The following TUT4 variants were observed in gnomAD, a reference collection of about 807,000 sequenced individuals.
TUT4 encodes terminal uridylyltransferase 4.
In TUT4, 36 loss-of-function variants were observed where a neutral mutation model predicts 192.2. The ratio of observed to expected loss-of-function variants is 0.19; its 90% confidence interval spans 0.14 to 0.25. The LOEUF is 0.25. Ranked by LOEUF, TUT4 falls within the 10% of genes least tolerant of loss-of-function variation. The pLI is 1.00. For synonymous variants in TUT4, 618 were observed against 666.0 expected (o/e 0.93, Z 1.11); for missense variants, 1,493 against 1,957.2 (o/e 0.76, Z 4.47).
At chr1:52,430,901 T>A (rs976290502) in intron 28 of TUT4, 112 bp downstream of exon 28, 6 of 1,203,964 alleles carry the variant, frequency 5.0e-6, no homozygotes, top group Non-Finnish European at 6.9e-6. Context: ...TCTAATCCTG[T>A]ACTGTCCCCT....
At chr1:52,493,216 T>C (rs970109781) in intron 7 of TUT4, among the ~76,000 whole-genome samples, 4 of 152,186 alleles carry the variant, frequency 2.6e-5, no homozygotes, top group Non-Finnish European at 5.9e-5. Context: ...CCCGAGTAGC[T>C]GGGACTACAG....
chr1:52,424,201 A>C, intron 29 of TUT4, 199 bp from the exon 30 acceptor site: 1 of 566,498 alleles, frequency 1.8e-6, no homozygotes, highest in East Asian at 3.0e-5. Flanking sequence ...AAAGGAGAGG[A>C]CACGAAAGAT....
chr1:52,514,354 T>C (rs1002869300), intron 3 of TUT4, among the ~76,000 whole-genome samples: 4 of 152,140 alleles, frequency 2.6e-5, no homozygotes, highest in Non-Finnish European at 5.9e-5. Flanking sequence ...GGCAGGAGAA[T>C]TGCTTGAACC....
chr1:52,458,484 A>G (rs1203445389), intron 19 of TUT4, 35 bp from the exon 20 acceptor site: 3 of 1,489,936 alleles, frequency 2.0e-6, no homozygotes, highest in Non-Finnish European at 2.8e-6. Flanking sequence ...AAAACTTCAG[A>G]GTCTTACTCC....
intron 1 of TUT4, among the ~76,000 whole-genome samples, chr1:52,550,580 G>A (rs1046659558): frequency 6.9e-6 from 1 of 144,650 alleles, no homozygotes; most frequent in Non-Finnish European, 1.5e-5. Flanking sequence ...GTGCCTCACT[G>A]CAACCTTGAA....
chr1:52,531,428 G>A (rs1350146406), intron 1 of TUT4, among the ~76,000 whole-genome samples: 1 of 151,896 alleles, frequency 6.6e-6, no homozygotes, highest in Admixed American at 6.6e-5. Context: ...GAAATGAAGG[G>A]ACTTCTGTAC....
chr1:52,529,361 G>A (rs531811079), intron 1 of TUT4, among the ~76,000 whole-genome samples: 1 of 151,990 alleles, frequency 6.6e-6, no homozygotes, highest in Non-Finnish European at 1.5e-5. Context: ...TATTATTCTT[G>A]ATAAGGTGTT....
intron 20 of TUT4, among the ~76,000 whole-genome samples, chr1:52,456,411 C>CA (rs1157223640): frequency 0.12 from 1,409 of 11,888 alleles, 410 homozygotes; most frequent in Non-Finnish European, 0.17. Context: ...GACTGTGTCT[C>CA]AAAAAAAAAA....
intron 2 of TUT4, among the ~76,000 whole-genome samples, chr1:52,519,233 A>T (rs1679550872): frequency 6.6e-6 from 1 of 152,242 alleles, no homozygotes; most frequent in Non-Finnish European, 1.5e-5. Flanking sequence ...AACATGAATT[A>T]ACTTTGAAAA....
chr1:52,458,466 T>G lies in TUT4; in HGVS notation c.3322-17A>C. 6.3e-7 allele frequency: 1 copy of G among 1,588,490 alleles called. No individual in the cohort carries two copies. Among genetic ancestry groups the G allele is most frequent in the Non-Finnish European group, 8.6e-7 (1 of 1,159,800 alleles). On this transcript the variant is annotated splice_polypyrimidine_tract_variant and intron_variant, in intron 19 of 29. Transcript: ENST00000257177. ...GTCACATCGCTAAAAAACAACATGA[T>G]TGAAAACAAAACTTCAGAGTCTTAC...
At chr1:52,512,986 G>A (rs963264693) in intron 3 of TUT4, among the ~76,000 whole-genome samples, 1 of 151,984 alleles carries the variant, frequency 6.6e-6, no homozygotes, top group African/African-American at 2.4e-5. Flanking sequence ...AGCCAGTTGT[G>A]GTAGCGCATG....
At chr1:52,493,802 G>A in intron 6 of TUT4, 140 bp from the exon 7 acceptor site, 1 of 532,544 alleles carries the variant, frequency 1.9e-6, no homozygotes, top group Non-Finnish European at 3.3e-6. Flanking sequence ...ACAGAATCGT[G>A]TTTTTTTTTT....
chr1:52,442,028 C>T (rs941699665), intron 24 of TUT4, among the ~76,000 whole-genome samples: 13 of 152,032 alleles, frequency 8.6e-5, no homozygotes, highest in Non-Finnish European at 1.3e-4. Context: ...ATTATCTGGG[C>T]ATGGTGGCGT....
At chr1:52,509,796 T>A in intron 3 of TUT4, 84 bp from the exon 4 acceptor site, 1 of 818,952 alleles carries the variant, frequency 1.2e-6, no homozygotes, top group Non-Finnish European at 2.1e-6. Flanking sequence ...AATACAATTA[T>A]GTAAGTAGAC....
chr1:52,482,481 C>G (rs967602392), intron 9 of TUT4, among the ~76,000 whole-genome samples: 7 of 152,114 alleles, frequency 4.6e-5, no homozygotes, highest in African/African-American at 1.7e-4. Flanking sequence ...GCTCTGTAGC[C>G]CAGGGTGAAG....
intron 2 of TUT4, 93 bp downstream of exon 2, chr1:52,525,470 T>C: frequency 6.9e-7 from 1 of 1,453,314 alleles, no homozygotes; most frequent in South Asian, 1.5e-5. Context: ...TAAACAATTA[T>C]GTATAAACAT....
At chr1:52,528,007 T>C (rs1001070202) in intron 1 of TUT4, among the ~76,000 whole-genome samples, 1 of 151,440 alleles carries the variant, frequency 6.6e-6, no homozygotes, top group Non-Finnish European at 1.5e-5. Context: ...TGAAACCCCG[T>C]CTCTACTAAA....
At chr1:52,463,868 C>G in intron 16 of TUT4, 1 of 1,066,826 alleles carries the variant, frequency 9.4e-7, no homozygotes, top group Middle Eastern at 2.4e-4. Context: ...CACGGTGGAA[C>G]TCAGAAAGCT....
intron 4 of TUT4, among the ~76,000 whole-genome samples, chr1:52,505,244 G>GA (rs1326229438): frequency 1.3e-5 from 2 of 151,970 alleles, no homozygotes; most frequent in Non-Finnish European, 2.9e-5. Flanking sequence ...ACTTAAGTAT[G>GA]ATGATAACTG....
Sources: allele counts gnomAD v4.1 joint callset (sites outside exome capture counted in the v4.1 genomes callset), GRCh38; gene constraint gnomAD v4.1.1; transcripts MANE v1.5; gene names NCBI Gene and HGNC (gene_info 2026-07-23, HGNC 2026-07-21).